The following ATAD3C variants were observed in gnomAD, a reference collection of about 807,000 sequenced individuals.
ATAD3C encodes ATPase family AAA domain-containing protein 3C.
In ATAD3C, 38 loss-of-function variants were observed where a neutral mutation model predicts 46.3. That is an observed-to-expected ratio of 0.82 (90% confidence interval 0.63 to 1.08). The LOEUF (loss-of-function observed/expected upper bound fraction) is 1.08. ATAD3C is among the 50% of genes least tolerant of loss of function. The pLI is 0.00. For synonymous variants in ATAD3C, 220 were observed against 236.4 expected (o/e 0.93, Z 0.63); for missense variants, 563 against 572.7 (o/e 0.98, Z 0.17).
chr1:1,450,576 C>T lies in ATAD3C; in HGVS notation c.-108C>T, dbSNP rs889206163. 27 of 1,406,842 alleles carry T rather than the reference C, an allele frequency of 1.9e-5. No individual in the cohort carries two copies. Among genetic ancestry groups the T allele is most frequent in the Non-Finnish European group, 2.4e-5 (25 of 1,022,176 alleles). The allele number at this position is 1,406,842 out of a possible 1,614,324, so 87.1% of individuals were successfully genotyped here. On this transcript the variant is annotated 5_prime_UTR_variant, in exon 1 of 12. Coordinates refer to ENST00000378785, the MANE Select transcript of ATAD3C (RefSeq NM_001039211.3). ...GAGGCAGGGCTGGGGGCTTTGAGGT[C>T]GAGGCGTGGCCGTGGATTCCAGAAA...
rs573696480 is a variant in ATAD3C at position 1,453,731 on chromosome 1, G to A, written c.223-614G>A. The stretch of plus-strand genomic sequence containing the variant: ...CTGGGCTCACTGCAACCTCCGACTC[G>A]CGGGTTCAAGTGATTCTCCTGCCTC... On this transcript the variant is annotated intron_variant, in intron 3 of 11. Coordinates refer to ENST00000378785, the MANE Select transcript of ATAD3C (RefSeq NM_001039211.3). Among the ~76,000 whole-genome samples the A allele has an allele frequency of 4.6e-5, 7 of 150,656 alleles. No individual in the cohort carries two copies. In the South Asian group the frequency reaches 6.3e-4, roughly 14 times the overall value.
rs773954981 is a variant in ATAD3C, at chr1:1,452,447, A to G, written c.222+13A>G. ...AGTGACAGCCACGGTAAACATACTC[A>G]TAAAACAGGGCTGGCAGGTGGCTGA... is the stretch of plus-strand genomic sequence containing the variant. On this transcript the variant is annotated intron_variant, in intron 3 of 11. Transcript: ENST00000378785. The G allele has an allele frequency of 3.7e-6, 6 of 1,613,628 alleles. No individual in the cohort carries two copies. Among genetic ancestry groups the G allele is most frequent in the South Asian group, 1.1e-5 (1 of 91,014 alleles).
At chr1:1,458,200 A>G (rs1400947290) in intron 8 of ATAD3C, among the ~76,000 whole-genome samples, 1 of 151,560 alleles carries the variant, frequency 6.6e-6, no homozygotes. Flanking sequence ...AGGCTGGTTG[A>G]GAACTCCTGA....
At position 1,462,861 on chromosome 1, in the gene ATAD3C, T is replaced by A. The variant is rs535287571; in HGVS notation, c.1089+153T>A. 1.1e-4 allele frequency among the ~76,000 whole-genome samples: 17 copies of A among 152,194 alleles called. 1 individual carries two copies. Among genetic ancestry groups the A allele is most frequent in the African/African-American group, 4.1e-4 (17 of 41,548 alleles). On this transcript the variant is annotated intron_variant, in intron 11 of 11. Transcript: ENST00000378785. The surrounding 1 kb of genome is among the most constrained non-coding windows in gnomAD (Gnocchi z 4.5). ...ATGTGACACGGGGCCCCTGCCCCAG[T>A]TGGGCCACTCCACGCAGCAGCGTGC...
At chr1:1,453,616 G>GAT (rs1256866481) in intron 3 of ATAD3C, among the ~76,000 whole-genome samples, 1 of 149,498 alleles carries the variant, frequency 6.7e-6, no homozygotes, top group Non-Finnish European at 1.5e-5. Context: ...GGATTACAGG[G>GAT]ATGAGCCACC....
At chr1:1,452,524 C>T in intron 3 of ATAD3C, 90 bp downstream of exon 3, 4 of 1,596,234 alleles carry the variant, frequency 2.5e-6, no homozygotes, top group Non-Finnish European at 3.4e-6. Context: ...CCTGCTGGCT[C>T]TGCACAGGTC....
intron 11 of ATAD3C, among the ~76,000 whole-genome samples, chr1:1,467,893 C>T (rs1639170094): frequency 6.6e-6 from 1 of 152,088 alleles, no homozygotes; most frequent in African/African-American, 2.4e-5. Flanking sequence ...GATGCCAAGC[C>T]CTGTGCCCAG....
chr1:1,460,769 A>G lies in ATAD3C; in HGVS notation c.832A>G (p.Ser278Gly). Residue 278 changes from serine (S) to glycine (G), a missense_variant, in exon 10 of 12, where the codon AGC becomes GGC. Physicochemically the swap from Ser to Gly is moderately conservative, Grantham distance 56 (BLOSUM62 0). Transcript: ENST00000378785. ...CCGCAGATTCATGCTGATCCTGGCC[A>G]GCTGCCACCCCGAGCAGTTCGACTG... ...HSNKFMLILA[S>G]CHPEQFDWAI... The G allele has an allele frequency of 6.2e-7, 1 of 1,609,208 alleles. No homozygotes were observed. The highest frequency in any genetic ancestry group is 8.5e-7 in the Non-Finnish European group (1 of 1,177,604).
At chr1:1,450,886 A>G in intron 1 of ATAD3C, 128 bp downstream of exon 1, 1 of 1,412,174 alleles carries the variant, frequency 7.1e-7, no homozygotes, top group East Asian at 2.5e-5. Flanking sequence ...CCCAGGGCCA[A>G]GCTTGGGCGC....
intron 8 of ATAD3C, among the ~76,000 whole-genome samples, chr1:1,457,438 CAA>C (rs939699790): frequency 2.0e-5 from 3 of 150,498 alleles, no homozygotes; most frequent in African/African-American, 7.3e-5. Context: ...ACTAAAAATA[CAA>C]AAAAAATTAG....
chr1:1,469,492 G>GGGGGTC lies in ATAD3C; in HGVS notation c.*963_*968dup, dbSNP rs1229749366. ...TTGATTACAGCCATGGGGTGGGGGT[G>GGGGGTC]GGGGTCAGGGGCGTCTGACTATGGC... On this transcript the variant is annotated 3_prime_UTR_variant, in exon 12 of 12. Transcript: ENST00000378785. 1 of 150,862 alleles carries GGGGGTC rather than the reference G, an allele frequency of 6.6e-6. No individual in the cohort carries two copies. Among genetic ancestry groups the GGGGGTC allele is most frequent in the Non-Finnish European group, 1.5e-5 (1 of 67,714 alleles). The allele number at this position is 150,862 out of a possible 1,614,324, so 9.3% of individuals were successfully genotyped here.
chr1:1,455,637 G>T (rs570392118), intron 5 of ATAD3C, 118 bp downstream of exon 5: 2 of 1,569,760 alleles, frequency 1.3e-6, no homozygotes, highest in East Asian at 2.3e-5. Flanking sequence ...CCTGAGATGC[G>T]ACTGCTTGGA....
At chr1:1,457,680 T>G (rs1477822312) in intron 8 of ATAD3C, among the ~76,000 whole-genome samples, 2 of 151,658 alleles carry the variant, frequency 1.3e-5, no homozygotes, top group Non-Finnish European at 2.9e-5. Context: ...GTTTTTTGTT[T>G]TGTTTTGTTT....
At chr1:1,461,859 G>T (rs554243786) in intron 10 of ATAD3C, among the ~76,000 whole-genome samples, 2 of 152,048 alleles carry the variant, frequency 1.3e-5, no homozygotes, top group African/African-American at 4.8e-5. Context: ...GGTGTGGGGC[G>T]CGGCTCTTGC....
chr1:1,454,535 G>C, intron 4 of ATAD3C, 35 bp downstream of exon 4: 1 of 1,588,718 alleles, frequency 6.3e-7, no homozygotes, highest in Non-Finnish European at 8.5e-7. Flanking sequence ...CTGAGTGCAA[G>C]TGCCTGGCTG....
At chr1:1,457,315 C>T (rs1638980366) in intron 8 of ATAD3C, 135 bp downstream of exon 8, 5 of 1,460,898 alleles carry the variant, frequency 3.4e-6, no homozygotes. Flanking sequence ...GCATTTTTGG[C>T]CAGGTGTGGA....
chr1:1,455,086 G>A (rs758984604), intron 4 of ATAD3C, among the ~76,000 whole-genome samples: 4 of 151,352 alleles, frequency 2.6e-5, no homozygotes, highest in African/African-American at 4.8e-5. Context: ...GCGTGGTGGC[G>A]GGCGCCTGTA....
intron 3 of ATAD3C, among the ~76,000 whole-genome samples, chr1:1,453,300 T>C (rs573499142): frequency 1.3e-5 from 2 of 152,194 alleles, no homozygotes; most frequent in East Asian, 3.9e-4. Flanking sequence ...CCTCCCGGGT[T>C]CAAGCGATTC....
chr1:1,451,895 C>G (rs1294133378), intron 1 of ATAD3C, 151 bp from the exon 2 acceptor site: 1 of 1,332,738 alleles, frequency 7.5e-7, no homozygotes, highest in Non-Finnish European at 1.0e-6. Flanking sequence ...CGATGTCACC[C>G]GTGTCTGTGT....
Sources: gnomAD v4.1 joint callset for allele counts (sites outside exome capture counted in the v4.1 genomes callset) on GRCh38, gnomAD v4.1.1 for gene constraint, Gnocchi (gnomAD v3.1) non-coding constraint, MANE v1.5 for transcripts, NCBI Gene and HGNC (gene_info 2026-07-23, HGNC 2026-07-21) for gene names.